The following PGLS variants were observed in gnomAD, a reference collection of about 807,000 sequenced individuals.
PGLS encodes 6-phosphogluconolactonase.
A neutral mutation model predicts 23.2 loss-of-function variants in PGLS; 21 were observed. That is an observed-to-expected ratio of 0.91 (90% CI 0.64 to 1.31). The LOEUF is 1.31. PGLS is among the 50% of genes most tolerant of loss of function. The pLI is 0.00. For synonymous variants in PGLS, 179 were observed against 165.4 expected (o/e 1.08, Z -0.63); for missense variants, 410 against 354.0 (o/e 1.16, Z -1.27).
chr19:17,517,220 G>C, intron 2 of PGLS, 68 bp from the exon 3 acceptor site: 1 of 931,296 alleles, frequency 1.1e-6, no homozygotes, highest in Non-Finnish European at 1.7e-6. Flanking sequence ...AACTGTTTCT[G>C]TGTCCTCTGA....
chr19:17,513,592 G>A (rs2075519815), intron 1 of PGLS, among the ~76,000 whole-genome samples: 2 of 151,830 alleles, frequency 1.3e-5, no homozygotes, highest in Admixed American at 1.3e-4. Context: ...GCCAAGGATG[G>A]TGGATCACCT....
Position 17,511,739 on chromosome 19 carries a change from G to T in PGLS, c.67G>T (p.Ala23Ser), listed in dbSNP as rs775635756. The T allele has an allele frequency of 2.7e-6, 4 of 1,506,424 alleles. No individual in the cohort carries two copies. Among genetic ancestry groups the T allele is most frequent in the Non-Finnish European group, 3.5e-6 (4 of 1,134,614 alleles). The allele number at this position is 1,506,424 out of a possible 1,614,324, so 93.3% of individuals were successfully genotyped here. A position where few individuals can be genotyped will look rare whatever the true frequency, so the allele number is the denominator to read the frequency against. Residue 23 changes from alanine to serine, a missense_variant, in exon 1 of 5, where the codon GCG becomes TCG. By Grantham distance (99) the Ala-to-Ser change is moderately conservative. Coordinates refer to ENST00000252603, the MANE Select transcript of PGLS (RefSeq NM_012088.3). ...SSSQELGAAL[A>S]QLVAQRAACC... The stretch of plus-strand genomic sequence containing the variant: ...TTCCCAGGAGCTGGGTGCGGCGCTA[G>T]CGCAGCTGGTGGCCCAGCGCGCAGC...
chr19:17,511,780 G>A lies in PGLS; in HGVS notation c.108G>A (p.Gly36=). The A allele has an allele frequency of 6.7e-7, 1 of 1,497,502 alleles. No individual in the cohort carries two copies. The highest frequency in any genetic ancestry group is 8.8e-7 in the Non-Finnish European group (1 of 1,130,130). The allele number at this position is 1,497,502 out of a possible 1,614,324, so 92.8% of individuals were successfully genotyped here. The change falls in exon 1 of 5, where the codon GGG becomes GGA. Residue 36 remains glycine, a synonymous_variant. Coordinates refer to ENST00000252603, the MANE Select transcript of PGLS (RefSeq NM_012088.3). ...VAQRAACCLA[G]ARARFALGLS... is the part of the protein sequence containing the mutation. ...AGCGCGCAGCATGCTGCCTGGCAGGGGCCCGCGCCCGTTTCGCGCTCGGCC... is the reference window on the plus strand; with the variant it reads ...AGCGCGCAGCATGCTGCCTGGCAGGAGCCCGCGCCCGTTTCGCGCTCGGCC...
chr19:17,518,488 A>T (rs1361837713), intron 4 of PGLS: 3 of 152,142 alleles, frequency 2.0e-5, no homozygotes, highest in Non-Finnish European at 4.4e-5. Flanking sequence ...AAGACCAACA[A>T]CTACAGAAGA....
Position 17,520,981 on chromosome 19 carries a change from C to A in PGLS, c.677C>A (p.Ala226Asp), listed in dbSNP as rs146101529. 6.3e-7 allele frequency: 1 copy of A among 1,598,316 alleles called. No homozygotes were observed. The highest frequency in any genetic ancestry group is 8.5e-7 in the Non-Finnish European group (1 of 1,171,796). The change falls in exon 5 of 5, where the codon GCC (alanine) becomes GAC (aspartate). Residue 226 changes from alanine to aspartate, a missense_variant. Physicochemically the swap from Ala to Asp is moderately radical, Grantham distance 126. Coordinates refer to ENST00000252603, the MANE Select transcript of PGLS (RefSeq NM_012088.3). ...GACCAGGAGGAAAACCCGCTGCCCG[C>A]CGCCCTGGTCCAGCCCCACACCGGG... Reference protein sequence around the residue: ...LEDQEENPLPAALVQPHTGKL... With the variant: ...LEDQEENPLPDALVQPHTGKL...
In PGLS at chr19:17,517,724, TGTGGCTCCCATCA is replaced by T; in HGVS notation, c.517_529del (p.Ala173ThrfsTer10). On this transcript the variant is annotated frameshift_variant, in exon 4 of 5. Coordinates refer to ENST00000252603, the MANE Select transcript of PGLS (RefSeq NM_012088.3). LOFTEE classifies it high-confidence loss of function. The stretch of plus-strand genomic sequence containing the variant: ...TCCTCCCCAAGGAGCGGGAGAAGAT[TGTGGCTCCCATCA>T]GTGACTCCCCGAAGCCACCGCCACA... The T allele has an allele frequency of 1.2e-6, 2 of 1,614,108 alleles. No individual in the cohort carries two copies. Among genetic ancestry groups the T allele is most frequent in the South Asian group, 2.2e-5 (2 of 91,084 alleles).
Position 17,512,065 on chromosome 19 carries a change from C to T in PGLS, c.288+105C>T. On this transcript the variant is annotated intron_variant, in intron 1 of 4. Coordinates refer to ENST00000252603, the MANE Select transcript of PGLS (RefSeq NM_012088.3). Reference sequence around the variant, plus strand: ...GGGGCCATGCCGAAAGGGCCGCGCCCACTGTCTGCACCTCGGCTACGGGGG... The same window carrying T: ...GGGGCCATGCCGAAAGGGCCGCGCCTACTGTCTGCACCTCGGCTACGGGGG... 4.1e-6 allele frequency: 5 copies of T among 1,210,320 alleles called. No homozygotes were observed. The South Asian group carries it at 7.7e-5, about 19-fold the overall frequency. 75.0% of individuals were successfully genotyped at this position (1,210,320 alleles called of 1,614,324 possible). A position where few individuals can be genotyped will look rare whatever the true frequency, so the allele number is the denominator to read the frequency against.
At chr19:17,516,463 T>C (rs1164161434) in intron 2 of PGLS, 183 bp downstream of exon 2, 1 of 1,401,534 alleles carries the variant, frequency 7.1e-7, no homozygotes, top group Non-Finnish European at 9.3e-7. Context: ...CCACTCGGCC[T>C]CTGTTGCCCA....
At chr19:17,517,171 C>G (rs2075537228) in intron 2 of PGLS, 117 bp from the exon 3 acceptor site, 1 of 712,016 alleles carries the variant, frequency 1.4e-6, no homozygotes, top group Admixed American at 2.1e-5. Context: ...GTGTGAGCCA[C>G]CATGCCCAGC....
chr19:17,518,139 A>T (rs910659138), intron 4 of PGLS, among the ~76,000 whole-genome samples: 14 of 151,960 alleles, frequency 9.2e-5, no homozygotes, highest in Middle Eastern at 3.2e-3. Context: ...AAATGCATTT[A>T]AAAAAAATTA....
chr19:17,520,564 A>G (rs2075552669), intron 4 of PGLS: 2 of 154,322 alleles, frequency 1.3e-5, no homozygotes, highest in Admixed American at 1.3e-4. Context: ...CAAAAAAAAA[A>G]AAAAAAAAAA....
chr19:17,516,160 C>T lies in PGLS; in HGVS notation c.289-13C>T. The T allele has an allele frequency of 1.2e-6, 2 of 1,605,516 alleles. No homozygotes were observed. Among genetic ancestry groups the T allele is most frequent in the African/African-American group, 1.3e-5 (1 of 74,880 alleles). ...CGTTACTGTTGGTGACATTGTCCCT[C>T]TGTTGGCTGCAGACGCATCTTCTCT... On this transcript the variant is annotated splice_polypyrimidine_tract_variant and intron_variant, in intron 1 of 4. Transcript: ENST00000252603.
chr19:17,513,640 A>G (rs6512200), intron 1 of PGLS, among the ~76,000 whole-genome samples: 91,277 of 151,572 alleles, frequency 0.6, 28,322 homozygotes, highest in African/African-American at 0.76. Context: ...CCAACATGGC[A>G]AGACCCCATC....
At chr19:17,520,786 C>G (rs2075553884) in intron 4 of PGLS, among the ~76,000 whole-genome samples, 158 bp from the exon 5 acceptor site, 1 of 152,172 alleles carries the variant, frequency 6.6e-6, no homozygotes, top group African/African-American at 2.4e-5. Context: ...GGAAGGGACT[C>G]TTGTCCCTGC....
rs750857237 is a variant in PGLS at position 17,521,010 on chromosome 19, C to T, written c.706C>T (p.Leu236=). The T allele has an allele frequency of 6.2e-7, 1 of 1,601,820 alleles. No individual in the cohort carries two copies. The highest frequency in any genetic ancestry group is 1.3e-5 in the African/African-American group (1 of 74,628). ...AALVQPHTGK[L]CWFLDEAAAR... ...CCTGGTCCAGCCCCACACCGGGAAA[C>T]TGTGCTGGTTCTTGGACGAGGCGGC... The change falls in exon 5 of 5, where the codon CTG becomes TTG. Residue 236 remains leucine (L), a synonymous_variant. Transcript: ENST00000252603.
At chr19:17,517,676 CCTT>C (rs1461684590) in intron 3 of PGLS, 31 bp from the exon 4 acceptor site, 1 of 1,611,668 alleles carries the variant, frequency 6.2e-7, no homozygotes, top group Non-Finnish European at 8.5e-7. Context: ...GTGACATTGT[CCTT>C]CTGCCTCCAT....
rs536161096 is a variant in PGLS at position 17,512,260 on chromosome 19, G to A, written c.288+300G>A. 8.2e-5 allele frequency: 36 copies of A among 438,422 alleles called. No individual in the cohort carries two copies. In the South Asian group the frequency reaches 9.7e-4, roughly 12 times the overall value. 27.2% of individuals were successfully genotyped at this position (438,422 alleles called of 1,614,324 possible). On this transcript the variant is annotated intron_variant, in intron 1 of 4. Coordinates refer to ENST00000252603, the MANE Select transcript of PGLS (RefSeq NM_012088.3). ...CACTGCCTGCACCTCGACTACGGGG[G>A]CCGCTGGGGGTCTAGCCGACAGGGC...
At chr19:17,516,021 C>T (rs1599689416) in intron 1 of PGLS, 152 bp from the exon 2 acceptor site, 1 of 591,714 alleles carries the variant, frequency 1.7e-6, no homozygotes, top group Non-Finnish European at 3.1e-6. Context: ...GTGTCACTCA[C>T]CAACCGAAGG....
In PGLS at chr19:17,517,621, G is replaced by A. The variant is rs889114564; in HGVS notation, c.499-89G>A. The A allele has an allele frequency of 1.1e-4, 158 of 1,438,340 alleles. No homozygotes were observed. In the Admixed American group the frequency reaches 1.3e-3, roughly 12 times the overall value. The allele number at this position is 1,438,340 out of a possible 1,614,324, so 89.1% of individuals were successfully genotyped here. On this transcript the variant is annotated intron_variant, in intron 3 of 4. Transcript: ENST00000252603. ...ATTGTTAGTAGGATGGGATGGAACA[G>A]TGGCTGGACCAGGCCTGGTGTGTGT...
Sources: gnomAD v4.1 joint callset for allele counts (sites outside exome capture counted in the v4.1 genomes callset) on GRCh38, gnomAD v4.1.1 for gene constraint, MANE v1.5 for transcripts, NCBI Gene and HGNC (gene_info 2026-07-23, HGNC 2026-07-21) for gene names.